The following RBFOX1 variants were observed in gnomAD, a reference collection of about 807,000 sequenced individuals.
RBFOX1 encodes the protein RNA binding protein fox-1 homolog 1.
In RBFOX1, 8 loss-of-function variants were observed where a neutral mutation model predicts 57.7. The ratio of observed to expected loss-of-function variants is 0.14; its 90% confidence interval spans 0.08 to 0.25. The LOEUF (loss-of-function observed/expected upper bound fraction) is 0.25. Among genes scored for constraint, RBFOX1 ranks in the 10% least tolerant of loss-of-function variants. The probability of loss-of-function intolerance (pLI) is 1.00; values close to 1 mark genes in which losing one functional copy is unlikely to be tolerated. For synonymous variants in RBFOX1, 326 were observed against 222.4 expected (o/e 1.47, Z -4.15); for missense variants, 611 against 548.5 (o/e 1.11, Z -1.14).
chr16:5,873,180 A>C (rs938630561), intron 4 of RBFOX1, among the ~76,000 whole-genome samples: 5 of 152,062 alleles, frequency 3.3e-5, no homozygotes, highest in African/African-American at 1.2e-4. Context: ...CAACAACAAC[A>C]ACAACAACAA....
chr16:6,835,260 A>G (rs1357070976), intron 3 of RBFOX1, among the ~76,000 whole-genome samples: 4 of 152,140 alleles, frequency 2.6e-5, no homozygotes, highest in Admixed American at 6.5e-5. Context: ...AAGATCCACA[A>G]ACACAGCTGC....
intron 4 of RBFOX1, among the ~76,000 whole-genome samples, chr16:7,493,040 G>A (rs772834003): frequency 7.2e-5 from 11 of 152,036 alleles, no homozygotes; most frequent in Non-Finnish European, 1.3e-4. Context: ...CACCACACCC[G>A]GCTAATCTTT....
chr16:6,892,695 G>A (rs565451250), intron 3 of RBFOX1, among the ~76,000 whole-genome samples: 2 of 152,102 alleles, frequency 1.3e-5, no homozygotes, highest in Admixed American at 1.3e-4. Flanking sequence ...AAGCCTGAGA[G>A]TGAAGTACAG....
intron 6 of RBFOX1, 136 bp downstream of exon 6, chr16:7,580,056 C>A: frequency 1.1e-6 from 1 of 930,418 alleles, no homozygotes; most frequent in Non-Finnish European, 1.6e-6. Flanking sequence ...GCCTAGTCTG[C>A]AGGTATATTG....
chr16:7,160,320 C>T (rs1245718364), intron 4 of RBFOX1, among the ~76,000 whole-genome samples: 1 of 152,058 alleles, frequency 6.6e-6, no homozygotes, highest in African/African-American at 2.4e-5. Flanking sequence ...TGGACTTTGA[C>T]TGCCTAGTGT....
chr16:6,461,817 A>G (rs1171110983), intron 2 of RBFOX1, among the ~76,000 whole-genome samples: 1 of 152,206 alleles, frequency 6.6e-6, no homozygotes, highest in African/African-American at 2.4e-5. Context: ...AATATCATCC[A>G]ATAAAAGGAC....
rs1054451142 is a variant in RBFOX1, at chr16:7,268,405, G to A, written c.27+216307G>A. 5.3e-5 allele frequency among the ~76,000 whole-genome samples: 8 copies of A among 152,192 alleles called. No individual in the cohort carries two copies. The South Asian group carries it at 6.2e-4, about 12-fold the overall frequency. ...CTCGCTCTCACTCTTACTGGTTTTCGATGCCTGAGTTACTTGCTCTCTGGG... is the reference window on the plus strand; with the variant it reads ...CTCGCTCTCACTCTTACTGGTTTTCAATGCCTGAGTTACTTGCTCTCTGGG... On this transcript the variant is annotated intron_variant, in intron 4 of 15. Transcript: ENST00000550418.
chr16:6,161,283 G>T (rs1257674296), intron 1 of RBFOX1, among the ~76,000 whole-genome samples: 1 of 151,956 alleles, frequency 6.6e-6, no homozygotes, highest in Non-Finnish European at 1.5e-5. Flanking sequence ...CAGCTACTCA[G>T]GGGGCTAAGG....
intron 2 of RBFOX1, among the ~76,000 whole-genome samples, chr16:5,550,997 A>G (rs1000159379): frequency 6.6e-6 from 1 of 152,326 alleles, no homozygotes. Flanking sequence ...TTTCTGGCCC[A>G]TAACTCTCTG....
intron 3 of RBFOX1, among the ~76,000 whole-genome samples, chr16:6,989,863 G>T (rs1194998402): frequency 1.3e-5 from 2 of 152,002 alleles, no homozygotes; most frequent in African/African-American, 2.4e-5. Flanking sequence ...AGCCAGGCCT[G>T]GTGATGGGCA....
At chr16:7,269,043 CAAAAAAAAAAAA>C (rs56297510) in intron 4 of RBFOX1, among the ~76,000 whole-genome samples, 3 of 52,300 alleles carry the variant, frequency 5.7e-5, no homozygotes, top group East Asian at 1.4e-3. Flanking sequence ...TCTTCCATCT[CAAAAAAAAAAAA>C]AAAAAAAAAA....
intron 4 of RBFOX1, among the ~76,000 whole-genome samples, chr16:5,873,908 C>T (rs146136038): frequency 6.6e-6 from 1 of 151,722 alleles, no homozygotes; most frequent in South Asian, 2.1e-4. Flanking sequence ...AAGTCAAGGG[C>T]CTGAGAAAAG....
At chr16:5,818,768 A>G (rs2055739407) in intron 3 of RBFOX1, among the ~76,000 whole-genome samples, 1 of 152,158 alleles carries the variant, frequency 6.6e-6, no homozygotes, top group African/African-American at 2.4e-5. Flanking sequence ...GCCTGCAGCT[A>G]ATGTCTCCCC....
chr16:5,974,670 T>C (rs1210403901), intron 4 of RBFOX1, among the ~76,000 whole-genome samples: 1 of 151,936 alleles, frequency 6.6e-6, no homozygotes, highest in African/African-American at 2.4e-5. Flanking sequence ...AGTTTAAGGA[T>C]TTCATTAGTT....
At chr16:7,373,144 G>A (rs1255859835) in intron 4 of RBFOX1, among the ~76,000 whole-genome samples, 1 of 152,038 alleles carries the variant, frequency 6.6e-6, no homozygotes, top group Non-Finnish European at 1.5e-5. Context: ...GTGTTAGCCA[G>A]GATGGTTATC....
Position 7,110,072 on chromosome 16 carries a change from C to G in RBFOX1, c.27+57974C>G, listed in dbSNP as rs772965983. Among the ~76,000 whole-genome samples, 10 of 151,670 alleles carry G rather than the reference C, an allele frequency of 6.6e-5. No individual in the cohort carries two copies. The East Asian group carries it at 1.7e-3, about 27-fold the overall frequency. On this transcript the variant is annotated intron_variant, in intron 4 of 15. Coordinates refer to ENST00000550418, the MANE Select transcript of RBFOX1 (RefSeq NM_018723.4). Reference sequence around the variant, plus strand: ...TGCTAATACTAATCACTAAGAATCTCTGTGTGGTGGCTCAGGCATGTATTC... The same window carrying G: ...TGCTAATACTAATCACTAAGAATCTGTGTGTGGTGGCTCAGGCATGTATTC...
upstream of RBFOX1, among the ~76,000 whole-genome samples, chr16:6,016,579 G>C (rs1027762407): frequency 6.6e-6 from 1 of 152,236 alleles, no homozygotes; most frequent in African/African-American, 2.4e-5. Flanking sequence ...TCTCAGCCAA[G>C]CACAAGGCTA....
chr16:5,302,979 C>T (rs1461960463), intron 1 of RBFOX1, among the ~76,000 whole-genome samples: 2 of 152,138 alleles, frequency 1.3e-5, no homozygotes, highest in African/African-American at 4.8e-5. Context: ...CTTTTATTTT[C>T]TATTTGTATC....
In RBFOX1 at chr16:6,926,689, G is replaced by C. The variant is rs887991901; in HGVS notation, c.-15-125368G>C. On this transcript the variant is annotated intron_variant, in intron 3 of 15. Coordinates refer to ENST00000550418, the MANE Select transcript of RBFOX1 (RefSeq NM_018723.4). ...ATATGTGCATGGTTAAGGTAAAAAT[G>C]CTACTTAGCTCTTCTTCCCGTTAAT... is the stretch of plus-strand genomic sequence containing the variant. Among the ~76,000 whole-genome samples, 8 of 152,154 alleles carry C rather than the reference G, an allele frequency of 5.3e-5. No homozygotes were observed. The South Asian group carries it at 1.7e-3, about 32-fold the overall frequency.
Sources: gnomAD v4.1 joint callset for allele counts (sites outside exome capture counted in the v4.1 genomes callset) on GRCh38, gnomAD v4.1.1 for gene constraint, MANE v1.5 for transcripts, NCBI Gene and HGNC (gene_info 2026-07-23, HGNC 2026-07-21) for gene names.